The following TMEM117 variants were observed in gnomAD, a reference collection of about 807,000 sequenced individuals.
TMEM117 encodes transmembrane protein 117.
TMEM117 carries 27 observed loss-of-function variants against 52.4 expected under a neutral mutation model. That is an observed-to-expected ratio of 0.51 (90% confidence interval 0.38 to 0.71). The LOEUF (loss-of-function observed/expected upper bound fraction) is 0.71, where lower values mean the gene tolerates loss of function less well. Among genes scored for constraint, TMEM117 ranks in the 30% least tolerant of loss-of-function variants. The pLI is 0.00. For synonymous variants in TMEM117, 215 were observed against 206.3 expected (o/e 1.04, Z -0.36); for missense variants, 556 against 630.5 (o/e 0.88, Z 1.26).
intron 5 of TMEM117, among the ~76,000 whole-genome samples, chr12:44,270,518 A>G (rs1950433326): frequency 6.6e-6 from 1 of 152,102 alleles, no homozygotes; most frequent in African/African-American, 2.4e-5. Context: ...TTTTTGGAAG[A>G]ATCTTTAGGA....
At chr12:44,244,182 G>GT (rs1256832932) in intron 5 of TMEM117, among the ~76,000 whole-genome samples, 6 of 151,956 alleles carry the variant, frequency 3.9e-5, no homozygotes, top group East Asian at 3.9e-4. Flanking sequence ...TATTTTTAGT[G>GT]TTTTGAGGAA....
chr12:44,381,946 A>C (rs956396065), intron 7 of TMEM117, among the ~76,000 whole-genome samples: 1 of 152,168 alleles, frequency 6.6e-6, no homozygotes, highest in Non-Finnish European at 1.5e-5. Flanking sequence ...AATGTGTTGC[A>C]TCCTGTATAC....
chr12:44,292,464 G>T (rs902239728), intron 5 of TMEM117, among the ~76,000 whole-genome samples: 2 of 151,706 alleles, frequency 1.3e-5, no homozygotes, highest in African/African-American at 4.8e-5. Context: ...TTTTTGCTCT[G>T]ATCTTTGTTA....
chr12:44,151,164 A>G (rs1948716122), intron 4 of TMEM117, among the ~76,000 whole-genome samples: 1 of 152,056 alleles, frequency 6.6e-6, no homozygotes, highest in Admixed American at 6.6e-5. Context: ...CATTCCCACC[A>G]GAGACAGGGG....
chr12:44,231,143 T>G (rs1949927310), intron 5 of TMEM117, among the ~76,000 whole-genome samples: 1 of 151,958 alleles, frequency 6.6e-6, no homozygotes. Flanking sequence ...ATTCAGGCTT[T>G]GTGGTGATCA....
At chr12:44,001,331 C>G (rs1415501172) in intron 3 of TMEM117, among the ~76,000 whole-genome samples, 1 of 152,204 alleles carries the variant, frequency 6.6e-6, no homozygotes, top group Non-Finnish European at 1.5e-5. Context: ...CCCCTCCCCT[C>G]TGGAGAAAGT....
intron 6 of TMEM117, 46 bp downstream of exon 6, chr12:44,299,785 T>C: frequency 1.2e-6 from 2 of 1,605,650 alleles, no homozygotes; most frequent in Non-Finnish European, 1.7e-6. Context: ...CATGCTCTGT[T>C]CCCAGTATAA....
rs142011513 is a variant in TMEM117 at position 44,012,130 on chromosome 12, G to A, written c.410+67788G>A. On this transcript the variant is annotated intron_variant, in intron 3 of 7. Transcript: ENST00000266534. ...TTTCACCCCAGTCTCTTTTTATTGC[G>A]TGGTTTCTGAGGGGAAGTTGGATAT... Among the ~76,000 whole-genome samples, 1,229 of 152,272 alleles carry A rather than the reference G, an allele frequency of 8.1e-3. 15 individuals are homozygous for A. Among genetic ancestry groups the A allele is most frequent in the African/African-American group, 0.029 (1,196 of 41,562 alleles).
At chr12:44,149,424 C>G (rs1948690477) in intron 4 of TMEM117, among the ~76,000 whole-genome samples, 1 of 152,152 alleles carries the variant, frequency 6.6e-6, no homozygotes, top group South Asian at 2.1e-4. Flanking sequence ...GGAAATATTT[C>G]TGCAGTGTTT....
intron 7 of TMEM117, among the ~76,000 whole-genome samples, chr12:44,384,536 C>T (rs1244577965): frequency 6.6e-6 from 1 of 152,026 alleles, no homozygotes. Flanking sequence ...CTACTGCAAG[C>T]AGTAGACAAA....
upstream of TMEM117, among the ~76,000 whole-genome samples, chr12:43,834,567 T>TA (rs1943002560): frequency 1.3e-5 from 2 of 152,224 alleles, no homozygotes; most frequent in Admixed American, 1.3e-4. Flanking sequence ...AAGAGAACCT[T>TA]ACTAGTTAAG....
chr12:43,860,123 A>G (rs1366347100), intron 2 of TMEM117, among the ~76,000 whole-genome samples: 2 of 152,164 alleles, frequency 1.3e-5, no homozygotes, highest in African/African-American at 4.8e-5. Context: ...TGCTGCACCC[A>G]TCAACCCATC....
chr12:44,152,605 AT>A (rs1461016885), intron 4 of TMEM117, among the ~76,000 whole-genome samples: 3 of 125,308 alleles, frequency 2.4e-5, no homozygotes, highest in Non-Finnish European at 3.1e-5. Context: ...TCATATATAA[AT>A]TTTTATATAC....
intron 3 of TMEM117, among the ~76,000 whole-genome samples, chr12:44,027,298 C>T (rs1037609281): frequency 2.6e-5 from 4 of 151,446 alleles, no homozygotes; most frequent in Non-Finnish European, 4.4e-5. Flanking sequence ...TGATACCTCC[C>T]AAGTAGCTGG....
At chr12:43,921,265 C>T (rs1035159886) in intron 2 of TMEM117, among the ~76,000 whole-genome samples, 8 of 152,054 alleles carry the variant, frequency 5.3e-5, no homozygotes, top group African/African-American at 1.4e-4. Flanking sequence ...TTATTTTTCC[C>T]CAGAACATGC....
the TMEM117 span, among the ~76,000 whole-genome samples, chr12:43,808,187 G>T: frequency 6.6e-6 from 1 of 152,190 alleles, no homozygotes; most frequent in Admixed American, 6.5e-5. Flanking sequence ...TGACAACTTG[G>T]TTGTCACCTC....
intron 2 of TMEM117, among the ~76,000 whole-genome samples, chr12:43,916,624 C>T (rs1450413444): frequency 1.3e-5 from 2 of 152,102 alleles, no homozygotes; most frequent in African/African-American, 4.8e-5. Flanking sequence ...CGTCTTAGTC[C>T]ATAGATCTTT....
chr12:44,217,426 G>T (rs577626514), intron 5 of TMEM117, among the ~76,000 whole-genome samples: 1 of 152,158 alleles, frequency 6.6e-6, no homozygotes. Context: ...ATTCCCCTCA[G>T]CACTGCTGGT....
At chr12:43,962,112 C>G (rs771644560) in intron 3 of TMEM117, among the ~76,000 whole-genome samples, 5 of 152,154 alleles carry the variant, frequency 3.3e-5, no homozygotes, top group Non-Finnish European at 7.4e-5. Flanking sequence ...TATACATTAT[C>G]CTTGCTCCTG....
Sources: allele counts gnomAD v4.1 joint callset (sites outside exome capture counted in the v4.1 genomes callset), GRCh38; gene constraint gnomAD v4.1.1; transcripts MANE v1.5; gene names NCBI Gene and HGNC (gene_info 2026-07-23, HGNC 2026-07-21).